Variants in BBS9 observed in about 807,000 individuals in gnomAD.
BBS9 encodes the protein protein PTHB1.
BBS9 carries 89 observed loss-of-function variants against 117.7 expected under a neutral mutation model. The observed-to-expected ratio is 0.76, with a 90% CI of 0.64 to 0.90. BBS9 has a LOEUF of 0.90. Ranked by LOEUF, BBS9 falls within the 40% of genes least tolerant of loss-of-function variation. The probability of loss-of-function intolerance (pLI) is 0.00; values close to 1 mark genes in which losing one functional copy is unlikely to be tolerated. For synonymous variants in BBS9, 379 were observed against 370.9 expected, an observed-to-expected ratio of 1.02 and a Z score of -0.25; for missense variants, 982 against 1,042.2, an observed-to-expected ratio of 0.94 and a Z score of 0.80.
intron 21 of BBS9, among the ~76,000 whole-genome samples, chr7:33,534,655 A>C (rs1326622348): frequency 9.9e-5 from 15 of 152,188 alleles, no homozygotes; most frequent in Non-Finnish European, 1.0e-4. Context: ...AGATGTGAGC[A>C]GGCTTCAGAG....
chr7:33,359,827 A>T (rs1005676396), intron 16 of BBS9, among the ~76,000 whole-genome samples: 4 of 152,224 alleles, frequency 2.6e-5, no homozygotes, highest in Middle Eastern at 3.4e-3. Flanking sequence ...AAATATAGGT[A>T]TATTTAAAAT....
At chr7:33,400,414 T>A (rs1031689428) in intron 19 of BBS9, among the ~76,000 whole-genome samples, 2 of 152,182 alleles carry the variant, frequency 1.3e-5, no homozygotes, top group African/African-American at 4.8e-5. Flanking sequence ...TTCATTTCTG[T>A]TATCTATCTT....
chr7:33,305,045 T>C (rs1018743544), intron 9 of BBS9, among the ~76,000 whole-genome samples: 1 of 151,912 alleles, frequency 6.6e-6, no homozygotes, highest in African/African-American at 2.4e-5. Flanking sequence ...CCTTTGTTCA[T>C]GTGTTTATCT....
At chr7:33,234,466 T>C (rs1432797660) in intron 5 of BBS9, among the ~76,000 whole-genome samples, 1 of 152,052 alleles carries the variant, frequency 6.6e-6, no homozygotes, top group African/African-American at 2.4e-5. Flanking sequence ...ATAGTTAGCA[T>C]TTTTTCCTTC....
In BBS9 at chr7:33,555,386, T is replaced by C. The variant is rs375003091; in HGVS notation, c.2521+21210T>C. 2.0e-5 allele frequency among the ~76,000 whole-genome samples: 3 copies of C among 152,306 alleles called. No individual in the cohort carries two copies. The East Asian group carries it at 5.8e-4, about 29-fold the overall frequency. On this transcript the variant is annotated intron_variant, in intron 21 of 22. Coordinates refer to ENST00000242067, the MANE Select transcript of BBS9 (RefSeq NM_198428.3). ...GCTGTCACAGGCAATGGAAAAATAATGGTGAGCAAAGCAGGCTTGGTCTCT... is the reference window on the plus strand; with the variant it reads ...GCTGTCACAGGCAATGGAAAAATAACGGTGAGCAAAGCAGGCTTGGTCTCT...
At chr7:33,445,618 A>C (rs1345864935) in intron 19 of BBS9, among the ~76,000 whole-genome samples, 1 of 152,216 alleles carries the variant, frequency 6.6e-6, no homozygotes, top group Non-Finnish European at 1.5e-5. Context: ...TGTTGAAACT[A>C]TTTTAATCCA....
chr7:33,384,266 G>T (rs1825620501), intron 18 of BBS9, among the ~76,000 whole-genome samples: 1 of 152,174 alleles, frequency 6.6e-6, no homozygotes, highest in South Asian at 2.1e-4. Flanking sequence ...CTGAATGAGG[G>T]TTAACACTTA....
In BBS9 at chr7:33,423,397, T is replaced by A. The variant is rs10253189; in HGVS notation, c.2115+35253T>A. Reference sequence around the variant, plus strand: ...AAAATGAAAATGTATACCTTGGGGGTGTGTGTGTGTGTGTGTGTTTCTAGC... The same window carrying A: ...AAAATGAAAATGTATACCTTGGGGGAGTGTGTGTGTGTGTGTGTTTCTAGC... On this transcript the variant is annotated intron_variant, in intron 19 of 22. Coordinates refer to ENST00000242067, the MANE Select transcript of BBS9 (RefSeq NM_198428.3). Among the ~76,000 whole-genome samples, 929 of 149,236 alleles carry A rather than the reference T, an allele frequency of 6.2e-3. 12 individuals are homozygous for A. The highest frequency in any genetic ancestry group is 0.022 in the African/African-American group (893 of 40,794).
At chr7:33,353,890 A>G (rs1326437707) in intron 15 of BBS9, among the ~76,000 whole-genome samples, 1 of 152,088 alleles carries the variant, frequency 6.6e-6, no homozygotes, top group African/African-American at 2.4e-5. Context: ...AATTTGGGTC[A>G]TTAAAAAATA....
At chr7:33,597,994 C>T (rs937422736) in intron 21 of BBS9, among the ~76,000 whole-genome samples, 3 of 151,878 alleles carry the variant, frequency 2.0e-5, no homozygotes, top group African/African-American at 7.2e-5. Context: ...GCCTCAGCAT[C>T]ACCCCCTCTT....
chr7:33,227,171 T>G (rs1019830921), intron 5 of BBS9, among the ~76,000 whole-genome samples: 1 of 152,058 alleles, frequency 6.6e-6, no homozygotes, highest in African/African-American at 2.4e-5. Context: ...CAATTTTTTT[T>G]TTTTTTGAGA....
intron 9 of BBS9, among the ~76,000 whole-genome samples, chr7:33,317,684 A>G (rs907556548): frequency 1.3e-5 from 2 of 152,150 alleles, no homozygotes; most frequent in African/African-American, 4.8e-5. Flanking sequence ...CTCTATCCAA[A>G]GTGGTCTCTT....
chr7:33,195,790 T>G (rs1283926372), intron 5 of BBS9, among the ~76,000 whole-genome samples: 1 of 152,208 alleles, frequency 6.6e-6, no homozygotes, highest in East Asian at 1.9e-4. Flanking sequence ...TTTTCTACTT[T>G]GATTGTTTTT....
chr7:33,546,058 C>T (rs561558260), intron 21 of BBS9, among the ~76,000 whole-genome samples: 1 of 151,194 alleles, frequency 6.6e-6, no homozygotes, highest in South Asian at 2.1e-4. Flanking sequence ...CTCAGCCTCC[C>T]GAGGAGCTGG....
At chr7:33,270,577 A>G (rs374725190) in intron 7 of BBS9, among the ~76,000 whole-genome samples, 1 of 152,250 alleles carries the variant, frequency 6.6e-6, no homozygotes, top group African/African-American at 2.4e-5. Flanking sequence ...AATCACAAGT[A>G]TTAATGGCAG....
chr7:33,439,423 T>C (rs1333878151), intron 19 of BBS9, among the ~76,000 whole-genome samples: 2 of 152,184 alleles, frequency 1.3e-5, no homozygotes, highest in Admixed American at 6.5e-5. Context: ...CATGATTTCA[T>C]AGATTTCTAC....
At chr7:33,342,783 T>A (rs1021047514) in intron 11 of BBS9, among the ~76,000 whole-genome samples, 4 of 152,246 alleles carry the variant, frequency 2.6e-5, no homozygotes, top group African/African-American at 9.6e-5. Context: ...AGTATCTAGG[T>A]GTTTAGTCAT....
intron 19 of BBS9, among the ~76,000 whole-genome samples, chr7:33,423,117 A>C (rs149040622): frequency 3.8e-4 from 58 of 152,284 alleles, no homozygotes; most frequent in South Asian, 3.1e-3. Context: ...AAGTCAGCCA[A>C]ATTGGAAGCT....
chr7:33,616,442 A>C (rs1204468702), intron 21 of BBS9, among the ~76,000 whole-genome samples: 1 of 148,906 alleles, frequency 6.7e-6, no homozygotes, highest in East Asian at 2.0e-4. Flanking sequence ...GCAACCTCTA[A>C]AAAGTTACAT....
Sources: allele counts gnomAD v4.1 joint callset (sites outside exome capture counted in the v4.1 genomes callset), GRCh38; gene constraint gnomAD v4.1.1; transcripts MANE v1.5; gene names NCBI Gene and HGNC (gene_info 2026-07-23, HGNC 2026-07-21).